The following RAD54L2 variants were observed in gnomAD, a reference collection of about 807,000 sequenced individuals.
RAD54L2 encodes the protein helicase ARIP4.
RAD54L2 carries 27 observed loss-of-function variants against 138.4 expected under a neutral mutation model. The ratio of observed to expected loss-of-function variants is 0.20; its 90% CI spans 0.14 to 0.27. The LOEUF (loss-of-function observed/expected upper bound fraction) is 0.27, where lower values mean the gene tolerates loss of function less well. Ranked by LOEUF, RAD54L2 falls within the 10% of genes least tolerant of loss-of-function variation. RAD54L2 has a pLI of 1.00. For synonymous variants in RAD54L2, 644 were observed against 723.2 expected (o/e 0.89, Z 1.76); for missense variants, 1,396 against 1,890.2 (o/e 0.74, Z 4.85).
intron 19 of RAD54L2, among the ~76,000 whole-genome samples, chr3:51,649,767 A>G (rs1350090176): frequency 6.6e-6 from 1 of 152,214 alleles, no homozygotes; most frequent in Non-Finnish European, 1.5e-5. Context: ...GCCTACCTTA[A>G]GAGACCTCCT....
At chr3:51,627,804 C>G (rs756210092) in intron 4 of RAD54L2, 50 bp downstream of exon 4, 2 of 1,593,316 alleles carry the variant, frequency 1.3e-6, no homozygotes, top group African/African-American at 2.7e-5. Flanking sequence ...GAGATTTTAC[C>G]TTCATCTTAA....
At position 51,547,218 on chromosome 3, in the gene RAD54L2, G is replaced by A. The variant is rs1360360111; in HGVS notation, c.-55+5568G>A. 3.3e-5 allele frequency among the ~76,000 whole-genome samples: 5 copies of A among 151,974 alleles called. 1 individual carries two copies. Among genetic ancestry groups the A allele is most frequent in the Non-Finnish European group, 7.4e-5 (5 of 67,988 alleles). On this transcript the variant is annotated intron_variant, in intron 2 of 22. Coordinates refer to ENST00000684192, the MANE Select transcript of RAD54L2 (RefSeq NM_015106.4). ...TAAATAAAAATTAGCTGGGCAAGGT[G>A]ACACACACCTAGAAGTTATGGACCA... is the stretch of plus-strand genomic sequence containing the variant.
intron 2 of RAD54L2, among the ~76,000 whole-genome samples, chr3:51,555,771 A>G (rs1389168560): frequency 9.2e-5 from 14 of 152,166 alleles, no homozygotes; most frequent in Admixed American, 9.2e-4. Flanking sequence ...AGTTAGATCC[A>G]TTTCATCGAC....
chr3:51,605,012 C>T (rs1700149625), intron 3 of RAD54L2, among the ~76,000 whole-genome samples: 1 of 151,964 alleles, frequency 6.6e-6, no homozygotes, highest in Non-Finnish European at 1.5e-5. Flanking sequence ...ACCTCTGCCT[C>T]CCAGGTTCAA....
chr3:51,610,657 A>AAAAAAAC (rs1180965179), intron 3 of RAD54L2, among the ~76,000 whole-genome samples: 1 of 151,184 alleles, frequency 6.6e-6, no homozygotes, highest in African/African-American at 2.4e-5. Context: ...AAAAAAAAAA[A>AAAAAAAC]CAGAAAGAAT....
At chr3:51,572,189 C>T (rs1699351773) in intron 2 of RAD54L2, among the ~76,000 whole-genome samples, 2 of 152,254 alleles carry the variant, frequency 1.3e-5, no homozygotes, top group South Asian at 4.1e-4. Context: ...TGGCTCACGC[C>T]AATAATCTAA....
chr3:51,625,439 G>A (rs866677521), intron 3 of RAD54L2, among the ~76,000 whole-genome samples: 1 of 151,980 alleles, frequency 6.6e-6, no homozygotes, highest in Admixed American at 6.6e-5. Flanking sequence ...TCAATAAATA[G>A]GACAATTCTT....
intron 2 of RAD54L2, among the ~76,000 whole-genome samples, chr3:51,547,280 G>A (rs1321517295): frequency 6.6e-6 from 1 of 151,996 alleles, no homozygotes; most frequent in Non-Finnish European, 1.5e-5. Flanking sequence ...GGAGATCGAG[G>A]CGGGACGATT....
At chr3:51,604,552 A>G (rs1434166692) in intron 3 of RAD54L2, among the ~76,000 whole-genome samples, 1 of 152,178 alleles carries the variant, frequency 6.6e-6, no homozygotes, top group Non-Finnish European at 1.5e-5. Context: ...ATCAAATCTT[A>G]TCTTTACTCC....
At position 51,604,029 on chromosome 3, in the gene RAD54L2, G is replaced by A. The variant is rs142094509; in HGVS notation, c.139+13470G>A. On this transcript the variant is annotated intron_variant, in intron 3 of 22. Coordinates refer to ENST00000684192, the MANE Select transcript of RAD54L2 (RefSeq NM_015106.4). The stretch of plus-strand genomic sequence containing the variant: ...CTAGGAAGATAATGCAGAAATCTAA[G>A]TAAGAGGCGATGATAGCTTGGTGGA... Among the ~76,000 whole-genome samples the A allele has an allele frequency of 4.4e-4, 67 of 152,340 alleles. 3 individuals carry two copies. The highest frequency in any genetic ancestry group is 6.5e-5 in the Admixed American group (1 of 15,296).
chr3:51,563,376 A>G (rs1243479385), intron 2 of RAD54L2, among the ~76,000 whole-genome samples: 2 of 152,110 alleles, frequency 1.3e-5, no homozygotes, highest in Non-Finnish European at 2.9e-5. Flanking sequence ...TTACTATTTA[A>G]TATTCATTTT....
At chr3:51,546,243 G>T (rs1698690074) in intron 2 of RAD54L2, among the ~76,000 whole-genome samples, 1 of 151,686 alleles carries the variant, frequency 6.6e-6, no homozygotes, top group Non-Finnish European at 1.5e-5. Context: ...CTGGCCAAAT[G>T]CAATTATTCT....
intron 2 of RAD54L2, among the ~76,000 whole-genome samples, chr3:51,545,172 C>T (rs911045326): frequency 6.6e-6 from 1 of 152,040 alleles, no homozygotes; most frequent in Admixed American, 6.6e-5. Flanking sequence ...TATTTAGTTA[C>T]CCTCCTGGAT....
intron 4 of RAD54L2, among the ~76,000 whole-genome samples, chr3:51,629,031 A>G (rs1212325841): frequency 6.6e-6 from 1 of 152,106 alleles, no homozygotes; most frequent in Non-Finnish European, 1.5e-5. Context: ...CACTATTTTT[A>G]ATACTGCTTT....
At position 51,637,145 on chromosome 3, in the gene RAD54L2, C is replaced by T. The variant is rs1006390848; in HGVS notation, c.1340-16C>T. Reference sequence around the variant, plus strand: ...GCCCTGTCACCCTCTGACTCCGGATCCTCTTCCCTCCCTAGAGTTTGAGAA... The same window carrying T: ...GCCCTGTCACCCTCTGACTCCGGATTCTCTTCCCTCCCTAGAGTTTGAGAA... On this transcript the variant is annotated splice_polypyrimidine_tract_variant and intron_variant, in intron 10 of 22. Coordinates refer to ENST00000684192, the MANE Select transcript of RAD54L2 (RefSeq NM_015106.4). The surrounding 1 kb of genome is among the most constrained non-coding windows in gnomAD (Gnocchi z 5.9). 1 of 1,562,704 alleles carries T rather than the reference C, an allele frequency of 6.4e-7. No homozygotes were observed. Among genetic ancestry groups the T allele is most frequent in the Admixed American group, 1.9e-5 (1 of 52,486 alleles).
chr3:51,584,764 A>G (rs553148858), intron 2 of RAD54L2, among the ~76,000 whole-genome samples: 40 of 151,494 alleles, frequency 2.6e-4, no homozygotes, highest in African/African-American at 8.5e-4. Flanking sequence ...GTATTGACCA[A>G]AACTTTGGAC....
chr3:51,619,140 C>G (rs532666115), intron 3 of RAD54L2, among the ~76,000 whole-genome samples: 6 of 152,270 alleles, frequency 3.9e-5, no homozygotes, highest in African/African-American at 1.4e-4. Flanking sequence ...TCACTGCAAC[C>G]TCTGCCTCCC....
At position 51,666,079 on chromosome 3, in the gene RAD54L2, A is replaced by G. The variant is rs182635269; in HGVS notation, c.*2659A>G. On this transcript the variant is annotated 3_prime_UTR_variant, in exon 23 of 23. Coordinates refer to ENST00000684192, the MANE Select transcript of RAD54L2 (RefSeq NM_015106.4). ...CATTCTGGGAGGCTGACCTGACTAGAGAAGGCTTTCTTTTATATGTGCAGT... is the reference window on the plus strand; with the variant it reads ...CATTCTGGGAGGCTGACCTGACTAGGGAAGGCTTTCTTTTATATGTGCAGT... The G allele has an allele frequency of 4.1e-5, 6 of 146,920 alleles. No homozygotes were observed. The highest frequency in any genetic ancestry group is 7.4e-5 in the Non-Finnish European group (5 of 67,384). 9.1% of individuals were successfully genotyped at this position (146,920 alleles called of 1,614,324 possible).
intron 2 of RAD54L2, among the ~76,000 whole-genome samples, chr3:51,551,851 C>G (rs934529396): frequency 6.6e-6 from 1 of 151,678 alleles, no homozygotes; most frequent in South Asian, 2.1e-4. Context: ...CTCCTGGGTT[C>G]AGACGATTCT....
Sources: gnomAD v4.1 joint callset for allele counts (sites outside exome capture counted in the v4.1 genomes callset) on GRCh38, gnomAD v4.1.1 for gene constraint, Gnocchi (gnomAD v3.1) non-coding constraint, MANE v1.5 for transcripts, NCBI Gene and HGNC (gene_info 2026-07-23, HGNC 2026-07-21) for gene names.